OSBPL3: variants seen among roughly 807,000 people sequenced by gnomAD.
OSBPL3 encodes the protein oxysterol binding protein like 3, also known as oxysterol-binding protein-related protein 3.
Under a neutral mutation model 120.1 loss-of-function variants are expected in OSBPL3, and 65 were observed. The observed-to-expected ratio is 0.54, with a 90% CI of 0.44 to 0.67. OSBPL3 has a LOEUF of 0.67. OSBPL3 is among the 30% of genes least tolerant of loss of function. OSBPL3 has a pLI of 0.00. For missense variants in OSBPL3, 1,004 were observed against 1,082.1 expected (o/e 0.93, Z 1.01); for synonymous variants, 416 against 402.6 (o/e 1.03, Z -0.40).
At position 24,953,988 on chromosome 7, in the gene OSBPL3, G is replaced by C. The variant is rs1814748210; in HGVS notation, c.-150+25898C>G. ...ACCTTAGAACAAACTGAGAGAAAGG[G>C]GTCTGGGTACACTGGAAGTGGCAGC... On this transcript the variant is annotated intron_variant, in intron 1 of 22. Coordinates refer to ENST00000313367, the MANE Select transcript of OSBPL3 (RefSeq NM_015550.4). This position sits in a 1 kb window ranked among gnomAD's most constrained non-coding sequence, Gnocchi z 4.3. Among the ~76,000 whole-genome samples, 1 of 152,166 alleles carries C rather than the reference G, an allele frequency of 6.6e-6. No homozygotes were observed. The highest frequency in any genetic ancestry group is 2.4e-5 in the African/African-American group (1 of 41,442).
intron 1 of OSBPL3, among the ~76,000 whole-genome samples, chr7:24,976,104 T>C (rs759001896): frequency 6.6e-6 from 1 of 152,206 alleles, no homozygotes; most frequent in African/African-American, 2.4e-5. Flanking sequence ...AGATCCACCA[T>C]ATGTTAGTTG....
intron 14 of OSBPL3, among the ~76,000 whole-genome samples, chr7:24,838,188 A>G (rs945838163): frequency 1.3e-5 from 2 of 152,174 alleles, no homozygotes; most frequent in Admixed American, 1.3e-4. Flanking sequence ...GGTTTTGCCC[A>G]GTGTTTGTTC....
chr7:24,834,103 A>T lies in OSBPL3; in HGVS notation c.1746+383T>A. 1 of 997,510 alleles carries T rather than the reference A, an allele frequency of 1.0e-6. No homozygotes were observed. Among genetic ancestry groups the T allele is most frequent in the Non-Finnish European group, 1.2e-6 (1 of 834,430 alleles). 61.8% of individuals were successfully genotyped at this position (997,510 alleles called of 1,614,324 possible). ...GAAACTTACCCTGGATGAGAAAAAC[A>T]GCTCGAGAAATTAAATTCTGTCCAC... On this transcript the variant is annotated intron_variant, in intron 15 of 22. Transcript: ENST00000313367. The surrounding 1 kb of genome is among the most constrained non-coding windows in gnomAD (Gnocchi z 5.2).
Position 24,834,035 on chromosome 7 carries a change from G to T in OSBPL3, c.1746+451C>A. The T allele has an allele frequency of 2.2e-6, 2 of 900,418 alleles. No homozygotes were observed. Among genetic ancestry groups the T allele is most frequent in the Non-Finnish European group, 2.7e-6 (2 of 751,924 alleles). 55.8% of individuals were successfully genotyped at this position (900,418 alleles called of 1,614,324 possible). Reference sequence around the variant, plus strand: ...AACTTTATTTTCCAAAAACCTAGGAGCTGATGGGACAATTCCAGAAATAAA... The same window carrying T: ...AACTTTATTTTCCAAAAACCTAGGATCTGATGGGACAATTCCAGAAATAAA... On this transcript the variant is annotated intron_variant, in intron 15 of 22. Transcript: ENST00000313367. The surrounding 1 kb of genome is among the most constrained non-coding windows in gnomAD (Gnocchi z 5.2).
At chr7:24,865,530 C>T (rs749339102) in intron 6 of OSBPL3, 65 bp from the exon 7 acceptor site, 322 of 1,527,150 alleles carry the variant, frequency 2.1e-4, no homozygotes, top group Non-Finnish European at 2.4e-4. Context: ...CATGTTAAGA[C>T]AAAGGATAAC....
intron 1 of OSBPL3, among the ~76,000 whole-genome samples, chr7:24,906,847 A>G (rs1808008416): frequency 6.6e-6 from 1 of 151,936 alleles, no homozygotes; most frequent in Admixed American, 6.6e-5. Context: ...GATCATCTTT[A>G]CAGGCCCCTT....
chr7:24,963,109 G>A (rs1019680501), intron 1 of OSBPL3, among the ~76,000 whole-genome samples: 4 of 152,052 alleles, frequency 2.6e-5, no homozygotes, highest in Non-Finnish European at 4.4e-5. Flanking sequence ...TTTCACACCC[G>A]ATCCTAATAC....
rs745711881 is a variant in OSBPL3 at position 24,815,170 on chromosome 7, G to A, written c.2061C>T (p.Thr687=). 3 of 1,613,770 alleles carry A rather than the reference G, an allele frequency of 1.9e-6. No individual in the cohort carries two copies. The South Asian group carries it at 3.3e-5, about 18-fold the overall frequency. ...FGDHFEWNKV[T]SCIHNILSGQ... ...CGCTTAAGATGTTATGGATGCAAGA[G>A]GTCACTTTGTTCCACTCAAAATGAT... The change falls in exon 19 of 23, where the codon ACC becomes ACT. Residue 687 remains threonine (T), a synonymous_variant. Transcript: ENST00000313367. This position sits in a 1 kb window ranked among gnomAD's most constrained non-coding sequence, Gnocchi z 5.1.
chr7:24,904,388 C>A (rs1807541372), intron 1 of OSBPL3, among the ~76,000 whole-genome samples: 1 of 152,174 alleles, frequency 6.6e-6, no homozygotes, highest in South Asian at 2.1e-4. Flanking sequence ...TTTAGCCAAC[C>A]ACAGAGCAAA....
At position 24,873,862 on chromosome 7, in the gene OSBPL3, A is replaced by C. The variant is rs1802498088; in HGVS notation, c.97-1793T>G. On this transcript the variant is annotated intron_variant, in intron 2 of 22. Transcript: ENST00000313367. This position sits in a 1 kb window ranked among gnomAD's most constrained non-coding sequence, Gnocchi z 4.1. ...GTTGTCAAGTTAAAAATTCCACCTCAAATTTCACCTCCTCCAGTGGAAAAT... is the reference window on the plus strand; with the variant it reads ...GTTGTCAAGTTAAAAATTCCACCTCCAATTTCACCTCCTCCAGTGGAAAAT... Among the ~76,000 whole-genome samples the C allele has an allele frequency of 6.6e-6, 1 of 152,216 alleles. No homozygotes were observed. Among genetic ancestry groups the C allele is most frequent in the Admixed American group, 6.5e-5 (1 of 15,286 alleles).
rs60137713 is a variant in OSBPL3 at position 24,916,925 on chromosome 7, C to CCCA, written c.-149-24305_-149-24304insTGG. On this transcript the variant is annotated intron_variant, in intron 1 of 22. Coordinates refer to ENST00000313367, the MANE Select transcript of OSBPL3 (RefSeq NM_015550.4). This position sits in a 1 kb window ranked among gnomAD's most constrained non-coding sequence, Gnocchi z 4.9. ...AAGACGTCTTCCATTTCCACCCCCC[C>CCCA]CAACCTTTTTAGAAAATTAAATAAA... is the stretch of plus-strand genomic sequence containing the variant. 2.6e-5 allele frequency among the ~76,000 whole-genome samples: 4 copies of CCCA among 151,620 alleles called. No individual in the cohort carries two copies. Among genetic ancestry groups the CCCA allele is most frequent in the South Asian group, 2.1e-4 (1 of 4,782 alleles).
chr7:24,946,929 C>CA lies in OSBPL3; in HGVS notation c.-150+32956dup, dbSNP rs1157437263. Among the ~76,000 whole-genome samples, 1 of 152,110 alleles carries CA rather than the reference C, an allele frequency of 6.6e-6. No homozygotes were observed. Among genetic ancestry groups the CA allele is most frequent in the Non-Finnish European group, 1.5e-5 (1 of 68,016 alleles). On this transcript the variant is annotated intron_variant, in intron 1 of 22. Coordinates refer to ENST00000313367, the MANE Select transcript of OSBPL3 (RefSeq NM_015550.4). The surrounding 1 kb of genome is among the most constrained non-coding windows in gnomAD (Gnocchi z 4.3). ...TTTCCCACAACACTCATCAGGAATCCAATAAAGGTTTGCTGTTTGGCTTGT... is the reference window on the plus strand; with the variant it reads ...TTTCCCACAACACTCATCAGGAATCCAAATAAAGGTTTGCTGTTTGGCTTGT...
chr7:24,883,188 A>T lies in OSBPL3; in HGVS notation c.96+9189T>A, dbSNP rs1277466451. On this transcript the variant is annotated intron_variant, in intron 2 of 22. Transcript: ENST00000313367. This position sits in a 1 kb window ranked among gnomAD's most constrained non-coding sequence, Gnocchi z 5.4. The stretch of plus-strand genomic sequence containing the variant: ...TTCATCTGAAGTAGGAACAGAGAGG[A>T]GGTGATTTAGGGTGATGTGGGCTTG... Among the ~76,000 whole-genome samples, 2 of 152,108 alleles carry T rather than the reference A, an allele frequency of 1.3e-5. No homozygotes were observed.
chr7:24,892,085 C>T (rs1805434635), intron 2 of OSBPL3, among the ~76,000 whole-genome samples: 1 of 152,158 alleles, frequency 6.6e-6, no homozygotes, highest in African/African-American at 2.4e-5. Context: ...GTAACCTGGT[C>T]AGTCTGAGTC....
chr7:24,944,954 T>G (rs928596824), intron 1 of OSBPL3, among the ~76,000 whole-genome samples: 2 of 152,178 alleles, frequency 1.3e-5, no homozygotes, highest in Non-Finnish European at 2.9e-5. Flanking sequence ...TCCTGATAGA[T>G]TCCATGACTA....
In OSBPL3 at chr7:24,965,904, A is replaced by G. The variant is rs947111987; in HGVS notation, c.-150+13982T>C. Among the ~76,000 whole-genome samples, 1 of 152,194 alleles carries G rather than the reference A, an allele frequency of 6.6e-6. No individual in the cohort carries two copies. Among genetic ancestry groups the G allele is most frequent in the African/African-American group, 2.4e-5 (1 of 41,438 alleles). On this transcript the variant is annotated intron_variant, in intron 1 of 22. Transcript: ENST00000313367. The surrounding 1 kb of genome is among the most constrained non-coding windows in gnomAD (Gnocchi z 4.3). ...GGACACTCTGACACTGCTGAGGTTT[A>G]GAACCACTTCCCTCAAGGGTGTGTC...
At position 24,863,255 on chromosome 7, in the gene OSBPL3, G is replaced by A. The variant is rs374921777; in HGVS notation, c.815C>T (p.Ser272Leu). The A allele has an allele frequency of 8.7e-6, 14 of 1,614,024 alleles. No individual in the cohort carries two copies. Among genetic ancestry groups the A allele is most frequent in the South Asian group, 1.1e-5 (1 of 91,074 alleles). The part of the protein sequence containing the change: ...SFESPKKEKR[S>L]HRRWRSRAIG... ...AGCTCTGGACCGCCACCTCCTGTGCGATCTTTTTTCCTTTTTGGGACTTTC... is the reference window on the plus strand; with the variant it reads ...AGCTCTGGACCGCCACCTCCTGTGCAATCTTTTTTCCTTTTTGGGACTTTC... Residue 272 changes from serine (S) to leucine (L), a missense_variant, in exon 9 of 23, where the codon TCG becomes TTG. This residue lies in a region of OSBPL3 where 272 missense variants were observed against 248.8 expected (regional missense o/e 1.09). Coordinates refer to ENST00000313367, the MANE Select transcript of OSBPL3 (RefSeq NM_015550.4). This position sits in a 1 kb window ranked among gnomAD's most constrained non-coding sequence, Gnocchi z 5.8.
chr7:24,871,252 A>G lies in OSBPL3; in HGVS notation c.268-407T>C. The stretch of plus-strand genomic sequence containing the variant: ...GTATTAATAAAAGAAGTGAGAGCAG[A>G]AGGCTGAGAGAGGACAGGAGAGGAA... On this transcript the variant is annotated intron_variant, in intron 4 of 22. Transcript: ENST00000313367. The surrounding 1 kb of genome is among the most constrained non-coding windows in gnomAD (Gnocchi z 4.8). Among the ~76,000 whole-genome samples the G allele has an allele frequency of 6.6e-6, 1 of 152,212 alleles. No homozygotes were observed.
In OSBPL3 at chr7:24,852,595, G is replaced by A. The variant is rs766531292; in HGVS notation, c.1067C>T (p.Ala356Val). 8.0e-5 allele frequency: 128 copies of A among 1,607,170 alleles called. 1 individual carries two copies. In the Admixed American group the frequency reaches 1.6e-3, roughly 20 times the overall value. ...TLRSAFNIMSAEREKLKQLME... is the reference protein window; with the variant it reads ...TLRSAFNIMSVEREKLKQLME... ...CAGCTGCTTCAGTTTCTCTCTCTCC[G>A]CTGACATGATATTAAAAGCTGACCT... Residue 356 changes from alanine (A) to valine (V), a missense_variant, in exon 11 of 23, where the codon GCG becomes GTG. This residue lies in a region of OSBPL3 where 272 missense variants were observed against 248.8 expected (regional missense o/e 1.09). Transcript: ENST00000313367. The surrounding 1 kb of genome is among the most constrained non-coding windows in gnomAD (Gnocchi z 4.1).
Sources: gnomAD v4.1 joint callset for allele counts (sites outside exome capture counted in the v4.1 genomes callset) on GRCh38, gnomAD v4.1.1 for gene constraint, gnomAD v4.1.1 regional missense constraint, Gnocchi (gnomAD v3.1) non-coding constraint, MANE v1.5 for transcripts, NCBI Gene and HGNC (gene_info 2026-07-23, HGNC 2026-07-21) for gene names.